The following IST1 variants were observed in gnomAD, a reference collection of about 807,000 sequenced individuals.
IST1 encodes the protein IST1 homolog.
IST1 carries 23 observed loss-of-function variants against 37.0 expected under a neutral mutation model. That is an observed-to-expected ratio of 0.62 (90% CI 0.45 to 0.88). The LOEUF is 0.88. IST1 is among the 40% of genes least tolerant of loss of function. The probability of loss-of-function intolerance (pLI) is 0.00; values close to 1 mark genes in which losing one functional copy is unlikely to be tolerated. For synonymous variants in IST1, 180 were observed against 161.7 expected (o/e 1.11, Z -0.86); for missense variants, 488 against 445.4 (o/e 1.10, Z -0.86).
At chr16:71,895,527 C>G (rs2036944094), upstream of IST1, 1 of 985,624 alleles carries the variant, frequency 1.0e-6, no homozygotes, top group Non-Finnish European at 1.2e-6. Flanking sequence ...CCGAGGGAGT[C>G]GCCATTTTGG....
chr16:71,916,711 C>A, intron 3 of IST1, 69 bp downstream of exon 3: 1 of 1,342,616 alleles, frequency 7.4e-7, no homozygotes, highest in Non-Finnish European at 1.0e-6. Flanking sequence ...TGATCTCTTT[C>A]TGCATTAAGG....
rs2037425481 is a variant in IST1 at position 71,914,396 on chromosome 16, A to G, written c.-15-1230A>G. Among the ~76,000 whole-genome samples the G allele has an allele frequency of 5.4e-5, 8 of 147,682 alleles. No homozygotes were observed. The South Asian group carries it at 1.7e-3, about 32-fold the overall frequency. ...AGGATGGTCTCCATCTCCTGACCTC[A>G]TGATCTGCCCACCTCGGCCTCCCAA... On this transcript the variant is annotated intron_variant, in intron 1 of 9. Transcript: ENST00000378799.
At chr16:71,900,327 CTTTTTTTT>C (rs201344260) in intron 1 of IST1, among the ~76,000 whole-genome samples, 8 of 100,508 alleles carry the variant, frequency 8.0e-5, no homozygotes, top group South Asian at 3.9e-4. Context: ...CTTAGGAAGT[CTTTTTTTT>C]TTTTTTTTTT....
At chr16:71,906,002 C>CTTTT (rs35581900) in intron 1 of IST1, among the ~76,000 whole-genome samples, 7 of 127,764 alleles carry the variant, frequency 5.5e-5, no homozygotes, top group Non-Finnish European at 1.0e-4. Context: ...TTAAGCAATT[C>CTTTT]TTTTTTTTTT....
chr16:71,914,992 T>A (rs1405000172), intron 1 of IST1, among the ~76,000 whole-genome samples: 1 of 152,142 alleles, frequency 6.6e-6, no homozygotes, highest in Non-Finnish European at 1.5e-5. Context: ...GAGCCTTCTG[T>A]TGTAGAATTT....
chr16:71,916,377 G>C, intron 2 of IST1, 85 bp from the exon 3 acceptor site: 1 of 1,333,274 alleles, frequency 7.5e-7, no homozygotes, highest in Non-Finnish European at 1.1e-6. Flanking sequence ...GAAACACCCA[G>C]TTCTTCCTGT....
chr16:71,916,675 T>C, intron 3 of IST1, 33 bp downstream of exon 3: 1 of 1,567,448 alleles, frequency 6.4e-7, no homozygotes, highest in South Asian at 1.1e-5. Flanking sequence ...CCTAAATCAT[T>C]TCTGGAATTT....
At chr16:71,907,678 C>G (rs1314743943) in intron 1 of IST1, among the ~76,000 whole-genome samples, 2 of 151,844 alleles carry the variant, frequency 1.3e-5, no homozygotes, top group African/African-American at 4.9e-5. Flanking sequence ...CAATTTTTTT[C>G]TCTCTTTTTT....
chr16:71,915,085 T>G (rs1301197991), intron 1 of IST1, among the ~76,000 whole-genome samples: 1 of 152,224 alleles, frequency 6.6e-6, no homozygotes, highest in Admixed American at 6.5e-5. Flanking sequence ...TTCTGTACTC[T>G]TGGGTACTAG....
At position 71,928,848 on chromosome 16, in the gene IST1, A is replaced by T. The variant is rs903843116; in HGVS notation, c.*1035A>T. 1.3e-5 allele frequency: 2 copies of T among 152,328 alleles called. No individual in the cohort carries two copies. The highest frequency in any genetic ancestry group is 4.1e-4 in the South Asian group (2 of 4,832). The allele number at this position is 152,328 out of a possible 1,614,324, so 9.4% of individuals were successfully genotyped here. A position where few individuals can be genotyped will look rare whatever the true frequency, so the allele number is the denominator to read the frequency against. On this transcript the variant is annotated 3_prime_UTR_variant, in exon 10 of 10. Coordinates refer to ENST00000378799, the MANE Select transcript of IST1 (RefSeq NM_001270975.2). The stretch of plus-strand genomic sequence containing the variant: ...ACTCCTTTGGCCCATAGCTAAGGTC[A>T]TCCTTCCCCACAGGGGTGGCTTTGG...
In IST1 at chr16:71,929,579, C is replaced by T. The variant is rs139500935; in HGVS notation, c.*1766C>T. 1,192 of 1,551,728 alleles carry T rather than the reference C, an allele frequency of 7.7e-4. 9 individuals are homozygous for T. The African/African-American group carries it at 0.014, about 19-fold the overall frequency. On this transcript the variant is annotated 3_prime_UTR_variant, in exon 10 of 10. Transcript: ENST00000378799. ...AAAACTTCAGTGTCACTGCCCACTGCTGTCGTGGCTGCTTGCTCAGATGAG... is the reference window on the plus strand; with the variant it reads ...AAAACTTCAGTGTCACTGCCCACTGTTGTCGTGGCTGCTTGCTCAGATGAG...
intron 1 of IST1, chr16:71,903,445 A>G (rs1288825445): frequency 6.6e-6 from 1 of 152,134 alleles, no homozygotes; most frequent in Non-Finnish European, 1.5e-5. Context: ...CAGTTCATCT[A>G]GAAGTATATT....
At chr16:71,905,240 T>G (rs1205781075) in intron 1 of IST1, among the ~76,000 whole-genome samples, 4 of 151,996 alleles carry the variant, frequency 2.6e-5, no homozygotes, top group African/African-American at 9.7e-5. Flanking sequence ...TTTACTATGT[T>G]GGCCAGGCTG....
intron 1 of IST1, among the ~76,000 whole-genome samples, chr16:71,910,456 AT>A (rs1267920388): frequency 6.6e-6 from 1 of 151,992 alleles, no homozygotes; most frequent in Non-Finnish European, 1.5e-5. Flanking sequence ...AATATAAAAA[AT>A]TAGCTGGGTG....
chr16:71,903,832 G>A (rs970878950), intron 1 of IST1, among the ~76,000 whole-genome samples: 2 of 152,156 alleles, frequency 1.3e-5, no homozygotes, highest in African/African-American at 4.8e-5. Context: ...GTGGTGTTCA[G>A]TTCACTGTCC....
rs924779859 is a variant in IST1 at position 71,921,574 on chromosome 16, G to A, written c.552+121G>A. The A allele has an allele frequency of 5.2e-5, 33 of 638,838 alleles. No individual in the cohort carries two copies. The East Asian group carries it at 8.4e-4, about 16-fold the overall frequency. 39.6% of individuals were successfully genotyped at this position (638,838 alleles called of 1,614,324 possible). Reference sequence around the variant, plus strand: ...GTGAGTTTAAGCCTTTGTCCAGTTAGTACCTTTATGACAATAAATGTGCCT... The same window carrying A: ...GTGAGTTTAAGCCTTTGTCCAGTTAATACCTTTATGACAATAAATGTGCCT... On this transcript the variant is annotated intron_variant, in intron 6 of 9. Transcript: ENST00000378799.
chr16:71,921,047 C>T (rs989295693), intron 5 of IST1: 2 of 613,768 alleles, frequency 3.3e-6, no homozygotes, highest in East Asian at 2.8e-5. Context: ...CTTTGTATGC[C>T]TCGTGTCATT....
At chr16:71,908,905 C>G (rs1182002019) in intron 1 of IST1, among the ~76,000 whole-genome samples, 1 of 152,082 alleles carries the variant, frequency 6.6e-6, no homozygotes, top group African/African-American at 2.4e-5. Flanking sequence ...TCATAGTTCT[C>G]AGATAGCTGC....
chr16:71,899,356 A>G (rs1597229740), intron 1 of IST1, among the ~76,000 whole-genome samples: 1 of 151,560 alleles, frequency 6.6e-6, no homozygotes, highest in East Asian at 2.0e-4. Context: ...AGGCGGGAGG[A>G]TTGCTGAGCC....
Sources: allele counts gnomAD v4.1 joint callset (sites outside exome capture counted in the v4.1 genomes callset), GRCh38; gene constraint gnomAD v4.1.1; transcripts MANE v1.5; gene names NCBI Gene and HGNC (gene_info 2026-07-23, HGNC 2026-07-21).